The following SYNJ2BP variants were observed in gnomAD, a reference collection of about 807,000 sequenced individuals.
The protein encoded by SYNJ2BP is synaptojanin-2-binding protein.
In SYNJ2BP, 10 loss-of-function variants were observed where a neutral mutation model predicts 16.9. The ratio of observed to expected loss-of-function variants is 0.59; its 90% CI spans 0.36 to 1.00. The LOEUF is 1.00. Ranked by LOEUF, SYNJ2BP falls within the 50% of genes least tolerant of loss-of-function variation. The probability of loss-of-function intolerance (pLI) is 0.01; values close to 1 mark genes in which losing one functional copy is unlikely to be tolerated. For missense variants in SYNJ2BP, 162 were observed against 186.7 expected (o/e 0.87, Z 0.77); for synonymous variants, 54 against 68.4 (o/e 0.79, Z 1.04).
intron 1 of SYNJ2BP, among the ~76,000 whole-genome samples, chr14:70,415,210 A>G (rs1211339336): frequency 1.3e-5 from 2 of 149,556 alleles, no homozygotes; most frequent in Non-Finnish European, 3.0e-5. Flanking sequence ...ATTAGTGATG[A>G]GTTATATTCC....
chr14:70,394,952 A>C (rs1360713864), intron 1 of SYNJ2BP, among the ~76,000 whole-genome samples: 2 of 152,230 alleles, frequency 1.3e-5, no homozygotes, highest in Non-Finnish European at 2.9e-5. Context: ...AGGCTGTGTG[A>C]TTCCAAAGCA....
At chr14:70,410,963 T>C (rs1011124028) in intron 1 of SYNJ2BP, among the ~76,000 whole-genome samples, 1 of 152,174 alleles carries the variant, frequency 6.6e-6, no homozygotes, top group African/African-American at 2.4e-5. Context: ...TGACACTGTT[T>C]ACCTATATAA....
At chr14:70,378,393 T>C (rs554991838) in intron 2 of SYNJ2BP, among the ~76,000 whole-genome samples, 5 of 152,032 alleles carry the variant, frequency 3.3e-5, no homozygotes, top group Admixed American at 6.6e-5. Context: ...ATACATACCT[T>C]GCTTCTTATT....
In SYNJ2BP at chr14:70,410,632, A is replaced by G. The variant is rs1422089643; in HGVS notation, c.64+6268T>C. On this transcript the variant is annotated intron_variant, in intron 1 of 3. Transcript: ENST00000256366. The stretch of plus-strand genomic sequence containing the variant: ...ATCAACCTAAATGCCCATCAATGGT[A>G]GACTGGACAAAGAAAATGTGGTGCA... 5.9e-5 allele frequency among the ~76,000 whole-genome samples: 9 copies of G among 152,324 alleles called. No homozygotes were observed. The South Asian group carries it at 1.5e-3, about 25-fold the overall frequency.
chr14:70,388,679 A>T, intron 1 of SYNJ2BP, 73 bp from the exon 2 acceptor site: 1 of 1,399,478 alleles, frequency 7.1e-7, no homozygotes, highest in East Asian at 2.7e-5. Flanking sequence ...ATGAAGAGAA[A>T]GGGAGGGAAA....
chr14:70,415,695 C>A (rs1290796942), intron 1 of SYNJ2BP, among the ~76,000 whole-genome samples: 1 of 152,122 alleles, frequency 6.6e-6, no homozygotes, highest in Non-Finnish European at 1.5e-5. Flanking sequence ...AGGTGATGGA[C>A]TGTCCTAGGT....
chr14:70,404,187 T>A (rs1247381047), intron 1 of SYNJ2BP, among the ~76,000 whole-genome samples: 1 of 139,492 alleles, frequency 7.2e-6, no homozygotes, highest in Non-Finnish European at 1.6e-5. Flanking sequence ...AAAAAAAAAA[T>A]TAGCAGGGCA....
chr14:70,405,391 T>C (rs1888325511), intron 1 of SYNJ2BP, among the ~76,000 whole-genome samples: 1 of 151,250 alleles, frequency 6.6e-6, no homozygotes. Flanking sequence ...TTGTATTAGG[T>C]TGGTGCAAAA....
In SYNJ2BP at chr14:70,366,886, A is replaced by C. The variant is rs1180194031; in HGVS notation, c.*6105T>G. The C allele has an allele frequency of 6.6e-6, 1 of 152,214 alleles. No homozygotes were observed. The highest frequency in any genetic ancestry group is 2.4e-5 in the African/African-American group (1 of 41,456). 9.4% of individuals were successfully genotyped at this position (152,214 alleles called of 1,614,324 possible). A position where few individuals can be genotyped will look rare whatever the true frequency, so the allele number is the denominator to read the frequency against. On this transcript the variant is annotated 3_prime_UTR_variant, in exon 4 of 4. Transcript: ENST00000256366. ...AAATGCAAATATATCCGGTAATAAGAAGCCCAGATTACTGCAGATAAAAGA... is the reference window on the plus strand; with the variant it reads ...AAATGCAAATATATCCGGTAATAAGCAGCCCAGATTACTGCAGATAAAAGA...
intron 1 of SYNJ2BP, among the ~76,000 whole-genome samples, chr14:70,413,393 C>T (rs943499760): frequency 5.3e-5 from 8 of 152,202 alleles, no homozygotes; most frequent in African/African-American, 1.9e-4. Context: ...AATCCCAAAA[C>T]TTTGGGAGGC....
chr14:70,390,211 C>G (rs1481602608), intron 1 of SYNJ2BP, among the ~76,000 whole-genome samples: 1 of 152,064 alleles, frequency 6.6e-6, no homozygotes, highest in Non-Finnish European at 1.5e-5. Flanking sequence ...GAAAAAGGAA[C>G]TTCTCTAGGG....
At chr14:70,387,333 A>G (rs1336419199) in intron 2 of SYNJ2BP, among the ~76,000 whole-genome samples, 1 of 152,212 alleles carries the variant, frequency 6.6e-6, no homozygotes. Context: ...ACTGTGGCCC[A>G]TGGTAAGGTA....
At chr14:70,406,981 A>T (rs1463925255) in intron 1 of SYNJ2BP, among the ~76,000 whole-genome samples, 1 of 152,188 alleles carries the variant, frequency 6.6e-6, no homozygotes, top group Non-Finnish European at 1.5e-5. Flanking sequence ...CCATTGGGTG[A>T]TTACACCTGC....
At chr14:70,376,580 C>T (rs1455806366) in intron 2 of SYNJ2BP, among the ~76,000 whole-genome samples, 3 of 152,206 alleles carry the variant, frequency 2.0e-5, no homozygotes, top group Non-Finnish European at 2.9e-5. Context: ...TCAATGTCAT[C>T]GTTAACAGTA....
chr14:70,403,423 T>C (rs893919740), intron 1 of SYNJ2BP, among the ~76,000 whole-genome samples: 2 of 152,276 alleles, frequency 1.3e-5, no homozygotes, highest in East Asian at 3.9e-4. Context: ...CCCAGTAAGT[T>C]AAGGGATTCT....
At chr14:70,378,889 T>A (rs115034397) in intron 2 of SYNJ2BP, among the ~76,000 whole-genome samples, 17 of 152,336 alleles carry the variant, frequency 1.1e-4, no homozygotes, top group African/African-American at 3.6e-4. Flanking sequence ...AATTACTCTA[T>A]GTTCACCTTA....
rs45565842 is a variant in SYNJ2BP, at chr14:70,373,018, A to T, written c.411T>A (p.Ala137=). The T allele has an allele frequency of 6.2e-7, 1 of 1,613,972 alleles. No homozygotes were observed. Among genetic ancestry groups the T allele is most frequent in the Non-Finnish European group, 8.5e-7 (1 of 1,180,024 alleles). The change falls in exon 4 of 4, where the codon GCT becomes GCA. Residue 137 remains alanine, a synonymous_variant. Transcript: ENST00000256366. ...VFALTMVAAW[A]FMRYRQQL The stretch of plus-strand genomic sequence containing the variant: ...AAAGTTGTTGCCGGTATCTCATGAA[A>T]GCCCAGGCTGCTACCATGGTGAGGG...
At chr14:70,393,444 A>G (rs957675162) in intron 1 of SYNJ2BP, among the ~76,000 whole-genome samples, 2 of 152,204 alleles carry the variant, frequency 1.3e-5, no homozygotes, top group Non-Finnish European at 2.9e-5. Context: ...CAGCAATCCC[A>G]TTACTGGGTA....
In SYNJ2BP at chr14:70,368,914, T is replaced by C. The variant is rs1044688056; in HGVS notation, c.*4077A>G. On this transcript the variant is annotated 3_prime_UTR_variant, in exon 4 of 4. Coordinates refer to ENST00000256366, the MANE Select transcript of SYNJ2BP (RefSeq NM_018373.3). ...GTGTGCAGCCTGGGCATGGGGACGT[T>C]TATAAGCTCTCCAGATGATTCTAAC... The C allele has an allele frequency of 1.3e-5, 2 of 152,062 alleles. No homozygotes were observed. Among genetic ancestry groups the C allele is most frequent in the African/African-American group, 4.8e-5 (2 of 41,388 alleles). 9.4% of individuals were successfully genotyped at this position (152,062 alleles called of 1,614,324 possible). A position where few individuals can be genotyped will look rare whatever the true frequency, so the allele number is the denominator to read the frequency against.
Sources: allele counts gnomAD v4.1 joint callset (sites outside exome capture counted in the v4.1 genomes callset), GRCh38; gene constraint gnomAD v4.1.1; transcripts MANE v1.5; gene names NCBI Gene and HGNC (gene_info 2026-07-23, HGNC 2026-07-21).